CPSF6: variants seen among roughly 807,000 people sequenced by gnomAD.
The protein encoded by CPSF6 is cleavage and polyadenylation specific factor 6.
A neutral mutation model predicts 56.7 loss-of-function variants in CPSF6; 10 were observed. That is an observed-to-expected ratio of 0.18 (90% CI 0.11 to 0.30). The LOEUF is 0.30. CPSF6 is among the 10% of genes least tolerant of loss of function. The pLI is 1.00. For synonymous variants in CPSF6, 248 were observed against 244.8 expected (o/e 1.01, Z -0.12); for missense variants, 419 against 722.9 (o/e 0.58, Z 4.82).
intron 8 of CPSF6, 29 bp from the exon 9 acceptor site, chr12:69,262,344 A>G (rs1341285550): frequency 6.6e-7 from 1 of 1,515,094 alleles, no homozygotes; most frequent in East Asian, 2.3e-5. Context: ...AATTATGGAG[A>G]GCATTAATCC....
At chr12:69,260,908 C>G (rs1872714842) in intron 8 of CPSF6, among the ~76,000 whole-genome samples, 1 of 152,126 alleles carries the variant, frequency 6.6e-6, no homozygotes, top group Non-Finnish European at 1.5e-5. Context: ...CCAGTGTGCT[C>G]AGCCATGCTC....
rs74102852 is a variant in CPSF6, at chr12:69,257,180, A to G, written c.520+338A>G. 1.9e-3 allele frequency among the ~76,000 whole-genome samples: 290 copies of G among 152,358 alleles called. 1 individual carries two copies. The highest frequency in any genetic ancestry group is 6.5e-3 in the African/African-American group (269 of 41,586). On this transcript the variant is annotated intron_variant, in intron 4 of 9. Transcript: ENST00000435070. ...TTAAAGGAGAGCTATGTGGATGTGT[A>G]TTATGGTGGGGGAGAGATCACTGAT... is the stretch of plus-strand genomic sequence containing the variant.
rs376127763 is a variant in CPSF6 at position 69,250,136 on chromosome 12, ATTTC to A, written c.61-990_61-987del. On this transcript the variant is annotated intron_variant, in intron 1 of 9. Coordinates refer to ENST00000435070, the MANE Select transcript of CPSF6 (RefSeq NM_007007.3). ...CATTTTGAATTATTTACATACCCAT[ATTTC>A]TTCTTTCTTTTATGGCTCAGCTCAC... Among the ~76,000 whole-genome samples the A allele has an allele frequency of 9.9e-5, 15 of 151,748 alleles. No homozygotes were observed. In the East Asian group the frequency reaches 1.9e-3, roughly 20 times the overall value.
chr12:69,253,222 TTTAAG>T, intron 3 of CPSF6, 68 bp downstream of exon 3: 2 of 806,182 alleles, frequency 2.5e-6, no homozygotes, highest in Middle Eastern at 4.6e-4. Context: ...TTAACTTTCC[TTTAAG>T]TTAATGTTAA....
In CPSF6 at chr12:69,260,147, G is replaced by A; in HGVS notation, c.1419G>A (p.Leu473=). 1 of 1,613,148 alleles carries A rather than the reference G, an allele frequency of 6.2e-7. No individual in the cohort carries two copies. Among genetic ancestry groups the A allele is most frequent in the East Asian group, 2.2e-5 (1 of 44,780 alleles). The part of the protein sequence containing the change: ...DDRCKVLISS[L]QDCLHGIESK... ...GTTGCAAAGTTCTTATTAGTTCTTT[G>A]CAAGATTGCCTTCATGGAATTGAGT... is the stretch of plus-strand genomic sequence containing the variant. The change falls in exon 8 of 10, where the codon TTG becomes TTA. Residue 473 remains leucine (L), a synonymous_variant. Coordinates refer to ENST00000435070, the MANE Select transcript of CPSF6 (RefSeq NM_007007.3).
Position 69,272,069 on chromosome 12 carries a change from GGCAA to G in CPSF6, c.*2562_*2565del, listed in dbSNP as rs749468054. 8 of 151,540 alleles carry G rather than the reference GGCAA, an allele frequency of 5.3e-5. No homozygotes were observed. The highest frequency in any genetic ancestry group is 8.9e-5 in the Non-Finnish European group (6 of 67,640). The allele number at this position is 151,540 out of a possible 1,614,324, so 9.4% of individuals were successfully genotyped here. A position where few individuals can be genotyped will look rare whatever the true frequency, so the allele number is the denominator to read the frequency against. On this transcript the variant is annotated 3_prime_UTR_variant, in exon 10 of 10. Coordinates refer to ENST00000435070, the MANE Select transcript of CPSF6 (RefSeq NM_007007.3). ...AGTACCTGAATGGTACTGCTTCTGAGGCAACACTTTGGATTGAAAGTGCTGCTTT... is the reference window on the plus strand; with the variant it reads ...AGTACCTGAATGGTACTGCTTCTGAGCACTTTGGATTGAAAGTGCTGCTTT...
At chr12:69,254,271 G>C (rs1010420962) in intron 3 of CPSF6, among the ~76,000 whole-genome samples, 8 of 152,068 alleles carry the variant, frequency 5.3e-5, no homozygotes, top group Admixed American at 5.2e-4. Flanking sequence ...TTTCTGGTCT[G>C]TTTTCCCACC....
chr12:69,248,067 G>C (rs1227940363), intron 1 of CPSF6, among the ~76,000 whole-genome samples: 1 of 152,176 alleles, frequency 6.6e-6, no homozygotes, highest in Non-Finnish European at 1.5e-5. Context: ...CTAAATATTG[G>C]TAGAATCATA....
intron 1 of CPSF6, among the ~76,000 whole-genome samples, chr12:69,243,360 C>A (rs1871722661): frequency 6.6e-6 from 1 of 152,174 alleles, no homozygotes; most frequent in African/African-American, 2.4e-5. Context: ...GTAAACTGTT[C>A]TACAATCATG....
Position 69,239,697 on chromosome 12 carries a change from G to A in CPSF6, c.51G>A (p.Glu17=). ...HIDIYADVGE[E]FNQEAEYGGH... ...ACATTTACGCGGATGTCGGCGAAGA[G>A]TTCAACCAGGTACGTGAGAGCCCAG... is the stretch of plus-strand genomic sequence containing the variant. Residue 17 remains glutamate, a synonymous_variant, in exon 1 of 10, where the codon GAG becomes GAA. Coordinates refer to ENST00000435070, the MANE Select transcript of CPSF6 (RefSeq NM_007007.3). The A allele has an allele frequency of 6.3e-7, 1 of 1,588,700 alleles. No individual in the cohort carries two copies. Among genetic ancestry groups the A allele is most frequent in the Non-Finnish European group, 8.6e-7 (1 of 1,168,480 alleles).
At chr12:69,259,347 A>G (rs1249215675) in intron 6 of CPSF6, 81 bp from the exon 7 acceptor site, 1 of 1,494,190 alleles carries the variant, frequency 6.7e-7, no homozygotes, top group Non-Finnish European at 9.0e-7. Context: ...AGAAGCAGCT[A>G]GTATGAATTG....
rs1293078668 is a variant in CPSF6 at position 69,270,164 on chromosome 12, A to G, written c.*656A>G. The G allele has an allele frequency of 2.6e-5, 4 of 152,160 alleles. No individual in the cohort carries two copies. Among genetic ancestry groups the G allele is most frequent in the Non-Finnish European group, 5.9e-5 (4 of 67,686 alleles). 9.4% of individuals were successfully genotyped at this position (152,160 alleles called of 1,614,324 possible). A position where few individuals can be genotyped will look rare whatever the true frequency, so the allele number is the denominator to read the frequency against. On this transcript the variant is annotated 3_prime_UTR_variant, in exon 10 of 10. Transcript: ENST00000435070. Reference sequence around the variant, plus strand: ...TTTTGATATTAGAATAGGTGATTACATGGATATTTAATATTTCTATATTCT... The same window carrying G: ...TTTTGATATTAGAATAGGTGATTACGTGGATATTTAATATTTCTATATTCT...
intron 1 of CPSF6, among the ~76,000 whole-genome samples, chr12:69,244,728 A>T (rs1871802944): frequency 6.6e-6 from 1 of 151,588 alleles, no homozygotes; most frequent in Admixed American, 6.6e-5. Context: ...AAAAACTAAG[A>T]TATACACACA....
rs531263827 is a variant in CPSF6, at chr12:69,253,159, G to GT, written c.374+15dup. On this transcript the variant is annotated splice_donor_region_variant and intron_variant, in intron 3 of 9. Transcript: ENST00000435070. ...GGCAAATGGCCAGTCAAAGGGGTAA[G>GT]TTTTTTTTTTCTTTCTTTTTGATTT... 41,583 of 1,175,408 alleles carry GT rather than the reference G, an allele frequency of 0.035. 17 individuals carry two copies. Among genetic ancestry groups the GT allele is most frequent in the South Asian group, 0.04 (2,490 of 62,620 alleles). 72.8% of individuals were successfully genotyped at this position (1,175,408 alleles called of 1,614,324 possible).
At chr12:69,268,254 A>G (rs1460777654) in intron 9 of CPSF6, among the ~76,000 whole-genome samples, 2 of 151,832 alleles carry the variant, frequency 1.3e-5, no homozygotes, top group African/African-American at 4.8e-5. Context: ...TGAAGATGCA[A>G]TAAAAGATAA....
At chr12:69,252,967 C>A in intron 2 of CPSF6, 84 bp from the exon 3 acceptor site, 1 of 766,222 alleles carries the variant, frequency 1.3e-6, no homozygotes, top group African/African-American at 1.8e-5. Flanking sequence ...TTTTATGTCT[C>A]AAATTTCCCC....
At chr12:69,243,216 C>T (rs1743258640) in intron 1 of CPSF6, among the ~76,000 whole-genome samples, 1 of 152,164 alleles carries the variant, frequency 6.6e-6, no homozygotes, top group Admixed American at 6.5e-5. Context: ...CTGAGAGATA[C>T]CTACATACAG....
chr12:69,259,595 C>A, intron 7 of CPSF6, 52 bp downstream of exon 7: 1 of 1,466,668 alleles, frequency 6.8e-7, no homozygotes. Flanking sequence ...TAGGAATGAC[C>A]TAAAAATGTA....
At chr12:69,248,994 C>G (rs1024500518) in intron 1 of CPSF6, among the ~76,000 whole-genome samples, 4 of 151,914 alleles carry the variant, frequency 2.6e-5, no homozygotes, top group African/African-American at 9.7e-5. Flanking sequence ...CACCTGTAAT[C>G]CCAGCACTTT....
Sources: allele counts gnomAD v4.1 joint callset (sites outside exome capture counted in the v4.1 genomes callset), GRCh38; gene constraint gnomAD v4.1.1; transcripts MANE v1.5; gene names NCBI Gene and HGNC (gene_info 2026-07-23, HGNC 2026-07-21).